LRRN3: variants seen among roughly 807,000 people sequenced by gnomAD.
The protein encoded by LRRN3 is leucine-rich repeat neuronal protein 3.
In LRRN3, 15 loss-of-function variants were observed where a neutral mutation model predicts 40.1. The observed-to-expected ratio is 0.37, with a 90% CI of 0.25 to 0.58. The LOEUF (loss-of-function observed/expected upper bound fraction) is 0.58. Among genes scored for constraint, LRRN3 ranks in the 20% least tolerant of loss-of-function variants. The pLI, the probability that LRRN3 is intolerant of heterozygous loss-of-function variation, is 0.72. For synonymous variants in LRRN3, 308 were observed against 297.2 expected, an observed-to-expected ratio of 1.04 and a Z score of -0.37; for missense variants, 746 against 837.7, an observed-to-expected ratio of 0.89 and a Z score of 1.35.
chr7:111,103,528 G>C (rs986574980), intron 2 of LRRN3, among the ~76,000 whole-genome samples: 4 of 151,526 alleles, frequency 2.6e-5, no homozygotes, highest in Non-Finnish European at 5.9e-5. Flanking sequence ...TATCGATTAG[G>C]CAAGTAAAAT....
intron 1 of LRRN3, among the ~76,000 whole-genome samples, chr7:111,098,787 G>GCTAACT (rs1797665718): frequency 6.6e-6 from 1 of 151,686 alleles, no homozygotes; most frequent in Non-Finnish European, 1.5e-5. Flanking sequence ...ACACGAAAAG[G>GCTAACT]AACCTAGGTT....
intron 1 of LRRN3, among the ~76,000 whole-genome samples, chr7:111,098,627 T>C (rs1797648153): frequency 6.6e-6 from 1 of 151,828 alleles, no homozygotes; most frequent in Admixed American, 6.6e-5. Flanking sequence ...AAGCATTTTC[T>C]GTGCCAAACA....
chr7:111,108,385 CTA>C (rs1798789180), intron 2 of LRRN3, among the ~76,000 whole-genome samples: 1 of 152,178 alleles, frequency 6.6e-6, no homozygotes, highest in African/African-American at 2.4e-5. Context: ...ACATGGTTTT[CTA>C]TGTTCTCCAA....
intron 2 of LRRN3, among the ~76,000 whole-genome samples, chr7:111,102,600 A>G (rs1387804608): frequency 1.3e-5 from 2 of 151,618 alleles, no homozygotes; most frequent in Non-Finnish European, 3.0e-5. Context: ...GTCAAATAAA[A>G]GAGAGAGAGA....
chr7:111,109,167 C>T (rs751753662), intron 2 of LRRN3, among the ~76,000 whole-genome samples: 1 of 151,964 alleles, frequency 6.6e-6, no homozygotes, highest in Non-Finnish European at 1.5e-5. Flanking sequence ...AATTAAAGAA[C>T]AAACATCTAG....
At chr7:111,091,987 A>G (rs1162744673) in intron 1 of LRRN3, among the ~76,000 whole-genome samples, 1 of 152,180 alleles carries the variant, frequency 6.6e-6, no homozygotes, top group Non-Finnish European at 1.5e-5. Context: ...TTTGAAATCA[A>G]CCCACCAAAT....
Position 111,124,165 on chromosome 7 carries a change from T to C in LRRN3, c.1393T>C (p.Leu465=), listed in dbSNP as rs376819580. 1 of 1,613,954 alleles carries C rather than the reference T, an allele frequency of 6.2e-7. No homozygotes were observed. Among genetic ancestry groups the C allele is most frequent in the African/African-American group, 1.3e-5 (1 of 75,012 alleles). ...GATAACACCTTCTGGTCAAAAACTCTTGCCTAATACCCTGACAGACAAGTT... is the reference window on the plus strand; with the variant it reads ...GATAACACCTTCTGGTCAAAAACTCCTGCCTAATACCCTGACAGACAAGTT... ...YWITPSGQKL[L]PNTLTDKFYV... is the part of the protein sequence containing the mutation. The change falls in exon 3 of 3, where the codon TTG becomes CTG. Residue 465 remains leucine (L), a synonymous_variant. Transcript: ENST00000308478.
At position 111,123,470 on chromosome 7, in the gene LRRN3, T is replaced by G. The variant is rs1354023217; in HGVS notation, c.698T>G (p.Val233Gly). ...NLTEIPDNAL[V>G]GLENLESISF... is the part of the protein sequence containing the mutation. ...ACAGAAATACCAGATAACGCCTTGG[T>G]TGGACTGGAAAACTTAGAAAGCATC... is the stretch of plus-strand genomic sequence containing the variant. Residue 233 changes from valine (V) to glycine (G), a missense_variant, in exon 3 of 3, where the codon GTT (valine) becomes GGT (glycine). Physicochemically the swap from Val to Gly is moderately radical, Grantham distance 109. Transcript: ENST00000308478. The surrounding 1 kb of genome is among the most constrained non-coding windows in gnomAD (Gnocchi z 6.4). 1 of 1,613,780 alleles carries G rather than the reference T, an allele frequency of 6.2e-7. No individual in the cohort carries two copies.
At chr7:111,120,912 C>G (rs1481417705) in intron 2 of LRRN3, among the ~76,000 whole-genome samples, 5 of 151,462 alleles carry the variant, frequency 3.3e-5, no homozygotes, top group African/African-American at 1.2e-4. Context: ...CATTTATTGG[C>G]CTTTTATGTT....
chr7:111,110,049 C>T (rs1186862487), intron 2 of LRRN3, among the ~76,000 whole-genome samples: 2 of 152,114 alleles, frequency 1.3e-5, no homozygotes, highest in East Asian at 3.9e-4. Context: ...GCAGGAGAAT[C>T]GCTTGAACCC....
chr7:111,101,450 A>G (rs1797966004), intron 2 of LRRN3, among the ~76,000 whole-genome samples: 1 of 151,548 alleles, frequency 6.6e-6, no homozygotes, highest in African/African-American at 2.4e-5. Flanking sequence ...CTAAGAATCC[A>G]TACTTATTTT....
chr7:111,124,932 C>CA lies in LRRN3; in HGVS notation c.*46dup, dbSNP rs398005852. 116,744 of 831,726 alleles carry CA rather than the reference C, an allele frequency of 0.14. 461 individuals carry two copies. Among genetic ancestry groups the CA allele is most frequent in the East Asian group, 0.18 (4,678 of 26,578 alleles). 51.5% of individuals were successfully genotyped at this position (831,726 alleles called of 1,614,324 possible). A position where few individuals can be genotyped will look rare whatever the true frequency, so the allele number is the denominator to read the frequency against. ...CAAGGAAACCTACTCCAAAAATGAA[C>CA]AAAAAAAAAAAAAGCGAAAGACTGC... On this transcript the variant is annotated 3_prime_UTR_variant, in exon 3 of 3. Coordinates refer to ENST00000308478, the MANE Select transcript of LRRN3 (RefSeq NM_001099658.2).
At chr7:111,121,889 T>C (rs1409528620) in intron 2 of LRRN3, among the ~76,000 whole-genome samples, 1 of 152,134 alleles carries the variant, frequency 6.6e-6, no homozygotes, top group East Asian at 1.9e-4. Context: ...CATGGAATAC[T>C]ATGCAGCCAT....
chr7:111,092,137 C>T (rs905600042), intron 1 of LRRN3, among the ~76,000 whole-genome samples: 5 of 152,280 alleles, frequency 3.3e-5, no homozygotes, highest in Admixed American at 2.0e-4. Flanking sequence ...CTACATCTTA[C>T]GGACTGGGGT....
At chr7:111,100,238 G>C (rs1051034719) in intron 2 of LRRN3, among the ~76,000 whole-genome samples, 6 of 151,446 alleles carry the variant, frequency 4.0e-5, no homozygotes, top group Non-Finnish European at 8.9e-5. Context: ...CACCCAAGCA[G>C]TGTACACTGT....
chr7:111,117,264 G>T (rs1324997379), intron 2 of LRRN3, among the ~76,000 whole-genome samples: 2 of 152,042 alleles, frequency 1.3e-5, no homozygotes, highest in Admixed American at 1.3e-4. Flanking sequence ...AAAAATCTTT[G>T]ATGTTCACAG....
chr7:111,097,081 C>T (rs1797478942), intron 1 of LRRN3: 1 of 151,842 alleles, frequency 6.6e-6, no homozygotes, highest in African/African-American at 2.4e-5. Flanking sequence ...GGAGTGTAAA[C>T]ATCACCACTT....
intron 2 of LRRN3, among the ~76,000 whole-genome samples, chr7:111,101,583 A>G (rs759938512): frequency 6.6e-6 from 1 of 151,536 alleles, no homozygotes; most frequent in Non-Finnish European, 1.5e-5. Flanking sequence ...TCGAATTAAT[A>G]CAGAATATAC....
chr7:111,114,442 C>T (rs1430409888), intron 2 of LRRN3, among the ~76,000 whole-genome samples: 1 of 151,974 alleles, frequency 6.6e-6, no homozygotes, highest in African/African-American at 2.4e-5. Context: ...TAAGTTTGCA[C>T]AAAGAAATAT....
Sources: gnomAD v4.1 joint callset for allele counts (sites outside exome capture counted in the v4.1 genomes callset) on GRCh38, gnomAD v4.1.1 for gene constraint, Gnocchi (gnomAD v3.1) non-coding constraint, MANE v1.5 for transcripts, NCBI Gene and HGNC (gene_info 2026-07-23, HGNC 2026-07-21) for gene names.